The following SYNE2 variants were observed in gnomAD, a reference collection of about 807,000 sequenced individuals.
The protein encoded by SYNE2 is nesprin-2.
In SYNE2, 431 loss-of-function variants were observed where a neutral mutation model predicts 856.3. The ratio of observed to expected loss-of-function variants is 0.50; its 90% CI spans 0.47 to 0.55. SYNE2 has a LOEUF of 0.55. SYNE2 is among the 20% of genes least tolerant of loss of function. SYNE2 has a pLI of 0.00. For missense variants in SYNE2, 8,129 were observed against 8,023.2 expected (o/e 1.01, Z -0.50); for synonymous variants, 2,923 against 2,872.3 (o/e 1.02, Z -0.56).
chr14:63,840,838 C>T (rs958377038), intron 1 of SYNE2, among the ~76,000 whole-genome samples: 1 of 151,910 alleles, frequency 6.6e-6, no homozygotes, highest in African/African-American at 2.4e-5. Flanking sequence ...CATGGAGAAA[C>T]CCCATCTCTA....
chr14:63,779,321 G>A (rs910203039), intron 1 of SYNE2, among the ~76,000 whole-genome samples: 9 of 110,400 alleles, frequency 8.2e-5, no homozygotes, highest in Admixed American at 1.1e-4. Flanking sequence ...GCAAAACTCC[G>A]TCTCAAATAA....
At chr14:64,124,581 G>C (rs1269878940) in intron 70 of SYNE2, among the ~76,000 whole-genome samples, 1 of 152,010 alleles carries the variant, frequency 6.6e-6, no homozygotes, top group African/African-American at 2.4e-5. Flanking sequence ...AACTAGTCAT[G>C]ACTTTTCAAA....
At chr14:63,935,917 C>T (rs1289409188) in intron 2 of SYNE2, among the ~76,000 whole-genome samples, 1 of 152,146 alleles carries the variant, frequency 6.6e-6, no homozygotes, top group Non-Finnish European at 1.5e-5. Context: ...CTCTGTCACC[C>T]GGGCTGGAGT....
intron 1 of SYNE2, among the ~76,000 whole-genome samples, chr14:63,892,260 G>A (rs1331564477): frequency 1.3e-5 from 2 of 151,936 alleles, no homozygotes; most frequent in African/African-American, 2.4e-5. Flanking sequence ...GATTTTCCCC[G>A]AGCATTTCTT....
chr14:63,983,845 A>T lies in SYNE2; in HGVS notation c.2110A>T (p.Met704Leu). 2 of 1,588,626 alleles carry T rather than the reference A, an allele frequency of 1.3e-6. No homozygotes were observed. The highest frequency in any genetic ancestry group is 8.6e-7 in the Non-Finnish European group (1 of 1,158,524). The change falls in exon 18 of 116, where the codon ATG (methionine) becomes TTG (leucine). Residue 704 changes from methionine (M) to leucine (L), a missense_variant. Coordinates refer to ENST00000555002, the MANE Select transcript of SYNE2 (RefSeq NM_182914.3). Reference sequence around the variant, plus strand: ...AGCAACTGTTGAGTTTTCAACAGATATGTCAGTAGAACTTCCTGAAAATTA... The same window carrying T: ...AGCAACTGTTGAGTTTTCAACAGATTTGTCAGTAGAACTTCCTGAAAATTA... The part of the protein sequence containing the change: ...EKATVEFSTD[M>L]SVELPENYNQ...
intron 1 of SYNE2, among the ~76,000 whole-genome samples, chr14:63,833,345 T>C (rs1043383073): frequency 2.0e-5 from 3 of 152,196 alleles, no homozygotes; most frequent in Non-Finnish European, 4.4e-5. Context: ...GGAGGTAGAA[T>C]ACAAATCTAT....
chr14:64,079,394 CTA>C (rs1230226310), intron 55 of SYNE2, among the ~76,000 whole-genome samples: 2 of 152,188 alleles, frequency 1.3e-5, no homozygotes, highest in African/African-American at 4.8e-5. Flanking sequence ...TTGTTCTAAT[CTA>C]TGTCTTAAGG....
intron 1 of SYNE2, among the ~76,000 whole-genome samples, chr14:63,791,557 A>G (rs1035659524): frequency 6.6e-5 from 10 of 152,178 alleles, no homozygotes; most frequent in African/African-American, 1.9e-4. Context: ...AATTTGCTAT[A>G]TTTTTACCAG....
At chr14:63,969,838 G>T (rs1469946118) in intron 11 of SYNE2, among the ~76,000 whole-genome samples, 1 of 152,034 alleles carries the variant, frequency 6.6e-6, no homozygotes, top group Admixed American at 6.5e-5. Context: ...ATTATATTTT[G>T]CTGAGAGAGG....
chr14:63,924,450 A>C (rs2095635870), intron 2 of SYNE2, among the ~76,000 whole-genome samples: 1 of 152,230 alleles, frequency 6.6e-6, no homozygotes, highest in East Asian at 1.9e-4. Context: ...TCAAGTTGGA[A>C]AGTATTGCCA....
intron 84 of SYNE2, among the ~76,000 whole-genome samples, chr14:64,152,025 A>G (rs2098248410): frequency 6.6e-6 from 1 of 152,142 alleles, no homozygotes; most frequent in African/African-American, 2.4e-5. Flanking sequence ...ATGTATCTAT[A>G]AAGAGTAGAC....
intron 65 of SYNE2, 175 bp from the exon 66 acceptor site, chr14:64,113,166 C>T (rs986957318): frequency 2.0e-6 from 2 of 985,262 alleles, no homozygotes; most frequent in South Asian, 4.7e-5. Context: ...AAACCTGTGG[C>T]ACCAGGTCAC....
intron 1 of SYNE2, among the ~76,000 whole-genome samples, chr14:63,877,232 A>T (rs926446808): frequency 6.6e-6 from 1 of 152,194 alleles, no homozygotes; most frequent in South Asian, 2.1e-4. Context: ...GACTGCTTTC[A>T]TATAAAAAAA....
intron 89 of SYNE2, among the ~76,000 whole-genome samples, 167 bp from the exon 90 acceptor site, chr14:64,165,118 C>T (rs1019165320): frequency 1.3e-5 from 2 of 152,030 alleles, no homozygotes; most frequent in Non-Finnish European, 2.9e-5. Flanking sequence ...AACTCCTGGG[C>T]TCAAGCAATC....
At chr14:63,859,457 C>T (rs971359701) in intron 1 of SYNE2, among the ~76,000 whole-genome samples, 1 of 151,982 alleles carries the variant, frequency 6.6e-6, no homozygotes, top group Admixed American at 6.6e-5. Context: ...ATTTATTCCT[C>T]AGTACTACTT....
chr14:64,199,758 A>G (rs1324711519), intron 99 of SYNE2, among the ~76,000 whole-genome samples: 1 of 151,104 alleles, frequency 6.6e-6, no homozygotes, highest in East Asian at 1.9e-4. Context: ...GCTAACATGG[A>G]GCACAACAGG....
At chr14:63,895,271 AT>A (rs933487886) in intron 1 of SYNE2, among the ~76,000 whole-genome samples, 268 of 143,878 alleles carry the variant, frequency 1.9e-3, no homozygotes, top group Middle Eastern at 3.6e-3. Context: ...CCCCTGGCTA[AT>A]TTTTTTTTTT....
intron 7 of SYNE2, among the ~76,000 whole-genome samples, chr14:63,950,719 C>T (rs982193682): frequency 1.2e-4 from 19 of 152,212 alleles, no homozygotes; most frequent in Non-Finnish European, 1.3e-4. Flanking sequence ...TGCAGTGGTG[C>T]GATTGTGGCT....
chr14:64,081,140 C>T (rs1365294571), intron 56 of SYNE2, among the ~76,000 whole-genome samples: 1 of 152,146 alleles, frequency 6.6e-6, no homozygotes, highest in Non-Finnish European at 1.5e-5. Flanking sequence ...AAGTACAGTC[C>T]AGTTTTTAAA....
Sources: gnomAD v4.1 joint callset for allele counts (sites outside exome capture counted in the v4.1 genomes callset) on GRCh38, gnomAD v4.1.1 for gene constraint, MANE v1.5 for transcripts, NCBI Gene and HGNC (gene_info 2026-07-23, HGNC 2026-07-21) for gene names.